The following ROR1 variants were observed in gnomAD, a reference collection of about 807,000 sequenced individuals.
ROR1 encodes the protein ROR family WNT receptor 1, also known as inactive tyrosine-protein kinase transmembrane receptor ROR1.
ROR1 carries 19 observed loss-of-function variants against 78.8 expected under a neutral mutation model. The ratio of observed to expected loss-of-function variants is 0.24; its 90% CI spans 0.17 to 0.35. The LOEUF (loss-of-function observed/expected upper bound fraction) is 0.35, where lower values mean the gene tolerates loss of function less well. Ranked by LOEUF, ROR1 falls within the 10% of genes least tolerant of loss-of-function variation. ROR1 has a pLI of 1.00. For synonymous variants in ROR1, 386 were observed against 433.6 expected, an observed-to-expected ratio of 0.89 and a Z score of 1.36; for missense variants, 917 against 1,177.8, an observed-to-expected ratio of 0.78 and a Z score of 3.24.
chr1:63,883,379 A>G (rs1009731784), intron 1 of ROR1, among the ~76,000 whole-genome samples: 50 of 20,488 alleles, frequency 2.4e-3, no homozygotes, highest in African/African-American at 5.6e-3. Flanking sequence ...CCTCATCTGG[A>G]CTTTACTTGT....
intron 4 of ROR1, among the ~76,000 whole-genome samples, chr1:64,125,518 T>C (rs548564613): frequency 2.6e-5 from 4 of 152,222 alleles, no homozygotes; most frequent in African/African-American, 9.6e-5. Flanking sequence ...TCAAATACTC[T>C]CATGGAGTCA....
At chr1:63,809,635 A>G (rs1388445211) in intron 1 of ROR1, among the ~76,000 whole-genome samples, 1 of 152,204 alleles carries the variant, frequency 6.6e-6, no homozygotes, top group Non-Finnish European at 1.5e-5. Context: ...CTAAGCAGAG[A>G]GACCATGGAA....
chr1:63,845,324 T>C (rs1468001345), intron 1 of ROR1, among the ~76,000 whole-genome samples: 2 of 152,220 alleles, frequency 1.3e-5, no homozygotes, highest in Non-Finnish European at 2.9e-5. Context: ...GTTTAAGGTA[T>C]CATTTTTTAA....
At chr1:64,039,287 G>T (rs550305342) in intron 2 of ROR1, among the ~76,000 whole-genome samples, 1 of 152,334 alleles carries the variant, frequency 6.6e-6, no homozygotes, top group Admixed American at 6.5e-5. Flanking sequence ...GTGGAACTGA[G>T]TTGGAATGCT....
At chr1:64,171,881 G>C (rs1650253584) in intron 8 of ROR1, among the ~76,000 whole-genome samples, 1 of 152,300 alleles carries the variant, frequency 6.6e-6, no homozygotes, top group Non-Finnish European at 1.5e-5. Context: ...AATGTTGGCA[G>C]CTATTGCAAA....
chr1:64,102,283 C>T (rs772377552), intron 4 of ROR1, among the ~76,000 whole-genome samples: 6 of 152,092 alleles, frequency 3.9e-5, no homozygotes, highest in Non-Finnish European at 5.9e-5. Flanking sequence ...ACATTTCAGG[C>T]GATTAAGTGA....
chr1:63,915,718 G>C (rs1645603901), intron 1 of ROR1, among the ~76,000 whole-genome samples: 1 of 152,206 alleles, frequency 6.6e-6, no homozygotes, highest in South Asian at 2.1e-4. Context: ...TGCTTCCCTG[G>C]GTTTGGAAGC....
intron 4 of ROR1, among the ~76,000 whole-genome samples, chr1:64,124,466 G>T (rs188843015): frequency 6.6e-6 from 1 of 151,384 alleles, no homozygotes; most frequent in African/African-American, 2.4e-5. Context: ...TTCTAGGCCC[G>T]GTTTTTTCCT....
chr1:63,906,464 A>G (rs894950483), intron 1 of ROR1, among the ~76,000 whole-genome samples: 4 of 152,200 alleles, frequency 2.6e-5, no homozygotes, highest in African/African-American at 4.8e-5. Context: ...GTGGCTATTC[A>G]GGCCTGTTCC....
Position 63,871,291 on chromosome 1 carries a change from C to T in ROR1, c.91+96783C>T, listed in dbSNP as rs150455691. Among the ~76,000 whole-genome samples the T allele has an allele frequency of 1.5e-4, 23 of 152,258 alleles. No individual in the cohort carries two copies. In the East Asian group the frequency reaches 4.4e-3, roughly 29 times the overall value. ...TGGAGTCTTTGAAACATGGTACCCA[C>T]AGGGGAAGAATCCAGAAGGGGTCCT... On this transcript the variant is annotated intron_variant, in intron 1 of 8. Coordinates refer to ENST00000371079, the MANE Select transcript of ROR1 (RefSeq NM_005012.4).
At chr1:63,954,257 G>A (rs977630305) in intron 1 of ROR1, among the ~76,000 whole-genome samples, 6 of 152,184 alleles carry the variant, frequency 3.9e-5, no homozygotes, top group African/African-American at 1.4e-4. Context: ...CCACTCCCAG[G>A]GAGGGGGAGA....
chr1:63,864,860 T>A (rs904250847), intron 1 of ROR1, among the ~76,000 whole-genome samples: 16 of 151,904 alleles, frequency 1.1e-4, no homozygotes, highest in Admixed American at 5.2e-4. Flanking sequence ...TTTAATTTTT[T>A]TATTTTTTTT....
At chr1:64,009,419 G>A (rs375348498) in intron 2 of ROR1, 43 bp downstream of exon 2, 3 of 1,474,274 alleles carry the variant, frequency 2.0e-6, no homozygotes, top group African/African-American at 2.8e-5. Context: ...AAAGAGGTGT[G>A]GAACTGTTTT....
chr1:64,090,297 AAAACATAATTGTGTTCATAAATATT>A (rs1647185607), intron 4 of ROR1, among the ~76,000 whole-genome samples: 1 of 152,224 alleles, frequency 6.6e-6, no homozygotes, highest in Non-Finnish European at 1.5e-5. Context: ...CCTTGGGAAA[AAAACATAATTGTGTTCATAAATATT>A]ATTAAGAAAA....
chr1:63,999,501 C>A (rs141387355), intron 1 of ROR1, among the ~76,000 whole-genome samples: 19 of 152,294 alleles, frequency 1.2e-4, no homozygotes, highest in African/African-American at 4.3e-4. Flanking sequence ...AGCCCTTTGT[C>A]CTTCCCAGGC....
intron 7 of ROR1, chr1:64,143,290 G>T: frequency 1.0e-6 from 1 of 966,258 alleles, no homozygotes; most frequent in Non-Finnish European, 1.2e-6. Context: ...GAAGGCCGAG[G>T]CAGGAGGATC....
chr1:63,775,739 G>A (rs1401708956), intron 1 of ROR1, among the ~76,000 whole-genome samples: 4 of 152,210 alleles, frequency 2.6e-5, no homozygotes, highest in African/African-American at 7.2e-5. Context: ...AGGAAGTTGT[G>A]TGAAATTTTG....
chr1:63,804,123 A>AG (rs1192102570), intron 1 of ROR1, among the ~76,000 whole-genome samples: 5 of 151,604 alleles, frequency 3.3e-5, no homozygotes, highest in African/African-American at 1.2e-4. Context: ...GGGACTCAGG[A>AG]GGGGGGCGTC....
chr1:64,151,195 A>G (rs969151385), intron 7 of ROR1, among the ~76,000 whole-genome samples: 1 of 152,228 alleles, frequency 6.6e-6, no homozygotes, highest in African/African-American at 2.4e-5. Flanking sequence ...CATGAATGGG[A>G]GGTATTACCA....
Sources: allele counts gnomAD v4.1 joint callset (sites outside exome capture counted in the v4.1 genomes callset), GRCh38; gene constraint gnomAD v4.1.1; transcripts MANE v1.5; gene names NCBI Gene and HGNC (gene_info 2026-07-23, HGNC 2026-07-21).